Variants in PCDH15 observed in about 807,000 individuals in gnomAD.
PCDH15 encodes the protein protocadherin-15.
A neutral mutation model predicts 178.5 loss-of-function variants in PCDH15; 129 were observed. The ratio of observed to expected loss-of-function variants is 0.72; its 90% CI spans 0.63 to 0.84. The LOEUF is 0.84. Among genes scored for constraint, PCDH15 ranks in the 40% least tolerant of loss-of-function variants. The pLI, the probability that PCDH15 is intolerant of heterozygous loss-of-function variation, is 0.00. For missense variants in PCDH15, 2,230 were observed against 2,099.9 expected, an observed-to-expected ratio of 1.06 and a Z score of -1.21; for synonymous variants, 800 against 732.0, an observed-to-expected ratio of 1.09 and a Z score of -1.50.
intron 2 of PCDH15, among the ~76,000 whole-genome samples, chr10:55,608,194 C>T (rs1010416773): frequency 1.3e-5 from 2 of 148,488 alleles, no homozygotes; most frequent in Non-Finnish European, 3.0e-5. Context: ...CAGCGAGTGA[C>T]TATAATTTGT....
At chr10:55,491,044 G>A (rs1378481094) in intron 2 of PCDH15, among the ~76,000 whole-genome samples, 1 of 151,660 alleles carries the variant, frequency 6.6e-6, no homozygotes, top group African/African-American at 2.4e-5. Context: ...AGACCATATA[G>A]CATATGGAAA....
At chr10:54,992,883 G>T (rs766281066) in intron 2 of PCDH15, among the ~76,000 whole-genome samples, 1 of 152,064 alleles carries the variant, frequency 6.6e-6, no homozygotes, top group East Asian at 1.9e-4. Flanking sequence ...TAGAGATAAG[G>T]GTCTCACAGA....
intron 2 of PCDH15, among the ~76,000 whole-genome samples, chr10:55,137,548 T>A (rs1591932331): frequency 7.1e-6 from 1 of 141,476 alleles, no homozygotes. Flanking sequence ...TTTTTTTTTT[T>A]AAGGGTAAAT....
At chr10:54,105,325 CACAT>C (rs2094897897) in intron 15 of PCDH15, among the ~76,000 whole-genome samples, 2 of 108,116 alleles carry the variant, frequency 1.8e-5, no homozygotes, top group Non-Finnish European at 4.1e-5. Context: ...TATACACACA[CACAT>C]ACATATATAT....
Position 54,585,424 on chromosome 10 carries a change from T to C in PCDH15, c.92-57547A>G, listed in dbSNP as rs184042810. On this transcript the variant is annotated intron_variant, in intron 2 of 37. Transcript: ENST00000644397. ...TTCTAATTAAACTACACTTCATTAATGGCTTACCCCCCTACCTTAGAATAA... is the reference window on the plus strand; with the variant it reads ...TTCTAATTAAACTACACTTCATTAACGGCTTACCCCCCTACCTTAGAATAA... The C allele has an allele frequency of 1.5e-3, 229 of 156,064 alleles. 1 individual carries two copies. Among genetic ancestry groups the C allele is most frequent in the Non-Finnish European group, 9.1e-4 (63 of 69,500 alleles). 9.7% of individuals were successfully genotyped at this position (156,064 alleles called of 1,614,324 possible). A position where few individuals can be genotyped will look rare whatever the true frequency, so the allele number is the denominator to read the frequency against.
At chr10:54,185,461 G>A (rs1394600242) in intron 11 of PCDH15, among the ~76,000 whole-genome samples, 193 bp from the exon 12 acceptor site, 4 of 151,908 alleles carry the variant, frequency 2.6e-5, no homozygotes, top group Non-Finnish European at 4.4e-5. Flanking sequence ...GACCTATATC[G>A]TGGAATACAA....
At chr10:54,142,249 G>T (rs534482327) in intron 14 of PCDH15, among the ~76,000 whole-genome samples, 24 of 152,260 alleles carry the variant, frequency 1.6e-4, no homozygotes, top group Admixed American at 1.3e-3. Flanking sequence ...GCTTTCTGTA[G>T]TATAAATATC....
intron 2 of PCDH15, among the ~76,000 whole-genome samples, chr10:54,546,350 T>C (rs1404629494): frequency 1.3e-5 from 2 of 152,192 alleles, no homozygotes; most frequent in Admixed American, 1.3e-4. Flanking sequence ...AAGCAGGTTT[T>C]AGAACTGTCT....
At chr10:54,043,513 G>A (rs1273978033) in intron 18 of PCDH15, among the ~76,000 whole-genome samples, 1 of 151,896 alleles carries the variant, frequency 6.6e-6, no homozygotes, top group African/African-American at 2.4e-5. Flanking sequence ...CTCACCTCCT[G>A]AATAGCTGGG....
At chr10:55,525,123 G>A (rs562171854) in intron 2 of PCDH15, among the ~76,000 whole-genome samples, 2 of 151,898 alleles carry the variant, frequency 1.3e-5, no homozygotes, top group South Asian at 4.1e-4. Flanking sequence ...ACGGAACTCT[G>A]AAATGTAGAG....
chr10:55,157,452 T>G (rs897087059), intron 2 of PCDH15, among the ~76,000 whole-genome samples: 9 of 148,542 alleles, frequency 6.1e-5, no homozygotes, highest in East Asian at 2.0e-4. Context: ...ATCCCATTAC[T>G]GGGTATATAC....
chr10:54,143,799 T>TGCCTATTTTCTCC (rs2043627556), intron 14 of PCDH15, among the ~76,000 whole-genome samples: 1 of 152,196 alleles, frequency 6.6e-6, no homozygotes, highest in African/African-American at 2.4e-5. Context: ...ATTTTTTCTC[T>TGCCTATTTTCTCC]GCCTATTTTC....
At chr10:55,120,150 T>C (rs1177419733) in intron 2 of PCDH15, among the ~76,000 whole-genome samples, 1 of 151,816 alleles carries the variant, frequency 6.6e-6, no homozygotes, top group Non-Finnish European at 1.5e-5. Flanking sequence ...TCCACTCCAG[T>C]TGTGGAGGTG....
chr10:53,920,453 AT>A (rs1394409920), intron 25 of PCDH15, among the ~76,000 whole-genome samples: 2 of 152,040 alleles, frequency 1.3e-5, no homozygotes, highest in Admixed American at 1.3e-4. Context: ...AAGATATATA[AT>A]TTAAAAAAAT....
At chr10:54,627,497 T>C (rs992330937) in intron 2 of PCDH15, among the ~76,000 whole-genome samples, 3 of 152,144 alleles carry the variant, frequency 2.0e-5, no homozygotes, top group African/African-American at 2.4e-5. Context: ...CCTGCTGCCA[T>C]CCACATAAGA....
chr10:55,499,573 A>C (rs767467412), intron 2 of PCDH15, among the ~76,000 whole-genome samples: 4 of 151,634 alleles, frequency 2.6e-5, no homozygotes, highest in African/African-American at 9.7e-5. Context: ...ATTCTTATAC[A>C]ATTTTTTTAA....
At chr10:54,098,140 ACT>A (rs1347609419) in intron 15 of PCDH15, among the ~76,000 whole-genome samples, 1 of 151,590 alleles carries the variant, frequency 6.6e-6, no homozygotes, top group East Asian at 1.9e-4. Flanking sequence ...TATTGTATAT[ACT>A]CTGTGTGTCT....
chr10:54,167,689 C>T (rs918328773), intron 13 of PCDH15, among the ~76,000 whole-genome samples: 1 of 145,376 alleles, frequency 6.9e-6, no homozygotes. Context: ...TCACCCTTAG[C>T]AGCAAGTCCC....
At chr10:54,652,771 C>A (rs2094291423) in intron 2 of PCDH15, among the ~76,000 whole-genome samples, 1 of 152,118 alleles carries the variant, frequency 6.6e-6, no homozygotes, top group Non-Finnish European at 1.5e-5. Flanking sequence ...GTACCTTGAT[C>A]TTGGATAATT....
Sources: allele counts gnomAD v4.1 joint callset (sites outside exome capture counted in the v4.1 genomes callset), GRCh38; gene constraint gnomAD v4.1.1; transcripts MANE v1.5; gene names NCBI Gene and HGNC (gene_info 2026-07-23, HGNC 2026-07-21).